The following PROS1 variants were observed in gnomAD, a reference collection of about 807,000 sequenced individuals.
The protein encoded by PROS1 is protein S.
A neutral mutation model predicts 75.9 loss-of-function variants in PROS1; 29 were observed. The observed-to-expected ratio is 0.38, with a 90% CI of 0.28 to 0.52. The LOEUF is 0.52. Among genes scored for constraint, PROS1 ranks in the 20% least tolerant of loss-of-function variants. The probability of loss-of-function intolerance (pLI) is 0.83; values close to 1 mark genes in which losing one functional copy is unlikely to be tolerated. For missense variants in PROS1, 680 were observed against 810.3 expected (o/e 0.84, Z 1.95); for synonymous variants, 245 against 280.6 (o/e 0.87, Z 1.27).
intron 7 of PROS1, 37 bp downstream of exon 7, chr3:93,900,767 C>G: frequency 1.2e-6 from 2 of 1,611,530 alleles, no homozygotes; most frequent in Non-Finnish European, 1.7e-6. Flanking sequence ...CACACCCACC[C>G]TCTCCACCAT....
chr3:93,922,707 A>T (rs934956659), intron 3 of PROS1, among the ~76,000 whole-genome samples: 1 of 152,192 alleles, frequency 6.6e-6, no homozygotes, highest in African/African-American at 2.4e-5. Context: ...TGCTTTTCAA[A>T]TTAGAGCCAT....
At chr3:93,943,434 G>A (rs1330955716) in intron 1 of PROS1, among the ~76,000 whole-genome samples, 1 of 151,834 alleles carries the variant, frequency 6.6e-6, no homozygotes, top group Non-Finnish European at 1.5e-5. Flanking sequence ...CTGTATCCAG[G>A]CCATCACCAA....
At chr3:93,879,924 G>C (rs985833805) in intron 12 of PROS1, among the ~76,000 whole-genome samples, 2 of 152,082 alleles carry the variant, frequency 1.3e-5, no homozygotes, top group Non-Finnish European at 2.9e-5. Context: ...GCAAGCTCTA[G>C]GAGGTATATA....
chr3:93,945,208 G>A (rs190956278), intron 1 of PROS1, among the ~76,000 whole-genome samples: 94 of 152,316 alleles, frequency 6.2e-4, no homozygotes, highest in African/African-American at 2.2e-3. Flanking sequence ...CGGATTCACA[G>A]ATGAATTCTA....
At chr3:93,969,910 C>T (rs1709850854) in intron 1 of PROS1, among the ~76,000 whole-genome samples, 1 of 152,130 alleles carries the variant, frequency 6.6e-6, no homozygotes, top group African/African-American at 2.4e-5. Flanking sequence ...AAAATATAAA[C>T]TTGATGAACA....
intron 3 of PROS1, among the ~76,000 whole-genome samples, 186 bp downstream of exon 3, chr3:93,924,054 G>T (rs1459191781): frequency 6.6e-6 from 1 of 152,150 alleles, no homozygotes; most frequent in Non-Finnish European, 1.5e-5. Context: ...GGTAATTAAA[G>T]AACCGTTCCA....
chr3:93,949,649 G>A (rs1709461487), intron 1 of PROS1, among the ~76,000 whole-genome samples: 1 of 151,992 alleles, frequency 6.6e-6, no homozygotes, highest in African/African-American at 2.4e-5. Context: ...ACATAATTAG[G>A]CATTTCATAA....
chr3:93,937,270 T>TG (rs1388702495), intron 1 of PROS1, among the ~76,000 whole-genome samples: 5 of 152,076 alleles, frequency 3.3e-5, no homozygotes, highest in Non-Finnish European at 7.4e-5. Context: ...CATGCACCAG[T>TG]GGTCAGATTG....
intron 1 of PROS1, among the ~76,000 whole-genome samples, chr3:93,942,304 T>C (rs1709301516): frequency 6.6e-6 from 1 of 152,162 alleles, no homozygotes; most frequent in Admixed American, 6.5e-5. Flanking sequence ...ACTCTGAATA[T>C]TCCGTCCATA....
At chr3:93,885,557 G>A (rs1414692210) in intron 11 of PROS1, among the ~76,000 whole-genome samples, 1 of 152,086 alleles carries the variant, frequency 6.6e-6, no homozygotes, top group African/African-American at 2.4e-5. Context: ...TATAATATGG[G>A]TTTGTCTTGC....
At chr3:93,934,780 TA>T (rs201453141) in intron 1 of PROS1, among the ~76,000 whole-genome samples, 6 of 149,066 alleles carry the variant, frequency 4.0e-5, no homozygotes, top group South Asian at 2.1e-4. Flanking sequence ...CTGGTGGAAT[TA>T]AAAAAAAAAT....
chr3:93,971,155 A>C (rs1709874609), intron 1 of PROS1, among the ~76,000 whole-genome samples: 1 of 151,752 alleles, frequency 6.6e-6, no homozygotes, highest in Admixed American at 6.6e-5. Flanking sequence ...CAGCCTGGCC[A>C]ACATAGTGAA....
chr3:93,894,222 C>T (rs1204775301), intron 9 of PROS1, among the ~76,000 whole-genome samples: 1 of 152,004 alleles, frequency 6.6e-6, no homozygotes. Context: ...CAATGGGGCA[C>T]GTATCTCCCT....
intron 14 of PROS1, among the ~76,000 whole-genome samples, chr3:93,876,389 C>A (rs1259205313): frequency 1.3e-5 from 2 of 151,920 alleles, no homozygotes; most frequent in Admixed American, 6.6e-5. Flanking sequence ...GAGATCAAGA[C>A]CATCCTGGTT....
intron 1 of PROS1, 144 bp downstream of exon 1, chr3:93,973,530 G>C: frequency 1.2e-6 from 1 of 819,014 alleles, no homozygotes; most frequent in South Asian, 1.5e-5. Context: ...ATCCACGGCT[G>C]TTTCCATCCG....
chr3:93,898,508 G>A lies in PROS1; in HGVS notation c.789C>T (p.Tyr263=). ...CTTTCTTCCCATCACAATAGCAAGTGTAACCTCCAGGGTAATTGACACAAA... is the reference window on the plus strand; with the variant it reads ...CTTTCTTCCCATCACAATAGCAAGTATAACCTCCAGGGTAATTGACACAAA... ...AQLCVNYPGG[Y]TCYCDGKKGF... Residue 263 remains tyrosine, a synonymous_variant, in exon 8 of 15, where the codon TAC becomes TAT. Transcript: ENST00000394236. The A allele has an allele frequency of 6.2e-7, 1 of 1,612,756 alleles. No individual in the cohort carries two copies. The highest frequency in any genetic ancestry group is 8.5e-7 in the Non-Finnish European group (1 of 1,179,026).
intron 14 of PROS1, among the ~76,000 whole-genome samples, chr3:93,875,740 C>T (rs535619273): frequency 1.3e-4 from 19 of 151,988 alleles, no homozygotes; most frequent in Non-Finnish European, 2.4e-4. Flanking sequence ...TTTCCCAAAA[C>T]CCCAGATACA....
intron 1 of PROS1, among the ~76,000 whole-genome samples, chr3:93,969,824 T>C (rs1266991194): frequency 1.3e-5 from 2 of 152,206 alleles, no homozygotes; most frequent in East Asian, 3.8e-4. Context: ...TACTGTTGCT[T>C]ATAGGCAAAG....
chr3:93,887,057 T>C (rs1436277771), intron 10 of PROS1, among the ~76,000 whole-genome samples: 1 of 151,552 alleles, frequency 6.6e-6, no homozygotes, highest in East Asian at 1.9e-4. Flanking sequence ...TAGCTGGGAC[T>C]ACAGGCGCCC....
Sources: gnomAD v4.1 joint callset for allele counts (sites outside exome capture counted in the v4.1 genomes callset) on GRCh38, gnomAD v4.1.1 for gene constraint, MANE v1.5 for transcripts, NCBI Gene and HGNC (gene_info 2026-07-23, HGNC 2026-07-21) for gene names.